The following C9 variants were observed in gnomAD, a reference collection of about 807,000 sequenced individuals.
C9 encodes complement component C9.
In C9, 63 loss-of-function variants were observed where a neutral mutation model predicts 65.4. That is an observed-to-expected ratio of 0.96 (90% CI 0.79 to 1.19). The LOEUF is 1.19. Ranked by LOEUF, C9 falls within the 50% of genes most tolerant of loss-of-function variation. The pLI is 0.00. For synonymous variants in C9, 229 were observed against 227.9 expected, an observed-to-expected ratio of 1.00 and a Z score of -0.04; for missense variants, 744 against 670.1, an observed-to-expected ratio of 1.11 and a Z score of -1.22.
intron 1 of C9, among the ~76,000 whole-genome samples, chr5:39,349,546 C>G (rs1475910420): frequency 6.6e-6 from 1 of 152,206 alleles, no homozygotes; most frequent in Non-Finnish European, 1.5e-5. Flanking sequence ...CTTTTAGTTA[C>G]TTCTAAATTC....
chr5:39,298,734 C>T (rs1052385203), intron 9 of C9, among the ~76,000 whole-genome samples: 1 of 151,784 alleles, frequency 6.6e-6, no homozygotes, highest in Admixed American at 6.6e-5. Flanking sequence ...TTACTTCTCA[C>T]TTATTTTACA....
At chr5:39,303,807 A>C (rs968706895) in intron 9 of C9, among the ~76,000 whole-genome samples, 1 of 151,998 alleles carries the variant, frequency 6.6e-6, no homozygotes, top group African/African-American at 2.4e-5. Flanking sequence ...TCCCAAAGAT[A>C]GTCATGCTAG....
intron 9 of C9, among the ~76,000 whole-genome samples, chr5:39,296,807 T>C (rs757498592): frequency 2.0e-5 from 3 of 151,388 alleles, no homozygotes; most frequent in Non-Finnish European, 4.4e-5. Context: ...CTGGAGGATA[T>C]TATGTTAAGT....
chr5:39,308,426 T>G, intron 7 of C9, 68 bp from the exon 8 acceptor site: 1 of 1,337,982 alleles, frequency 7.5e-7, no homozygotes, highest in Non-Finnish European at 1.1e-6. Context: ...ATTCCAATTT[T>G]GCTATTTTCA....
At chr5:39,336,062 T>C (rs1753958085) in intron 4 of C9, among the ~76,000 whole-genome samples, 1 of 152,210 alleles carries the variant, frequency 6.6e-6, no homozygotes, top group Non-Finnish European at 1.5e-5. Context: ...AATAATGTTG[T>C]CATTATTTGT....
Position 39,352,263 on chromosome 5 carries a change from C to A in C9, c.78-10067G>T, listed in dbSNP as rs976458693. Among the ~76,000 whole-genome samples, 6 of 152,172 alleles carry A rather than the reference C, an allele frequency of 3.9e-5. No individual in the cohort carries two copies. The East Asian group carries it at 9.6e-4, about 24-fold the overall frequency. Reference sequence around the variant, plus strand: ...CCTGTCCTTCAACACATGGGAATTACAATTTGACATGAGATTTGGGTAGGG... The same window carrying A: ...CCTGTCCTTCAACACATGGGAATTAAAATTTGACATGAGATTTGGGTAGGG... On this transcript the variant is annotated intron_variant, in intron 1 of 10. Coordinates refer to ENST00000263408, the MANE Select transcript of C9 (RefSeq NM_001737.5).
At chr5:39,303,350 T>A (rs1463322946) in intron 9 of C9, among the ~76,000 whole-genome samples, 1 of 151,898 alleles carries the variant, frequency 6.6e-6, no homozygotes, top group Non-Finnish European at 1.5e-5. Context: ...CAAGGAGAGA[T>A]TTTTGGGCTG....
chr5:39,358,490 C>T (rs1274570708), intron 1 of C9, among the ~76,000 whole-genome samples: 1 of 152,136 alleles, frequency 6.6e-6, no homozygotes, highest in African/African-American at 2.4e-5. Context: ...TGATTCTGAG[C>T]TTGCTAGGAA....
intron 9 of C9, among the ~76,000 whole-genome samples, chr5:39,289,835 C>G (rs1432418561): frequency 2.0e-5 from 3 of 151,830 alleles, no homozygotes; most frequent in Non-Finnish European, 2.9e-5. Context: ...TGTTAGGATT[C>G]TTATACCAAT....
At chr5:39,357,038 G>A (rs1754424066) in intron 1 of C9, among the ~76,000 whole-genome samples, 1 of 152,236 alleles carries the variant, frequency 6.6e-6, no homozygotes, top group Non-Finnish European at 1.5e-5. Flanking sequence ...CATGGCAGGA[G>A]ATCTACCTCT....
Position 39,341,497 on chromosome 5 carries a change from CTT to C in C9, c.328+57_328+58del, listed in dbSNP as rs1432554968. On this transcript the variant is annotated intron_variant, in intron 3 of 10. Transcript: ENST00000263408. ...TCCAGAAGCATATGCTTTTTTTTTT[CTT>C]TTCATTCAGGAAGGCACACAGAAAG... 3.9e-6 allele frequency: 6 copies of C among 1,543,352 alleles called. No homozygotes were observed. In the Admixed American group the frequency reaches 5.5e-5, roughly 14 times the overall value.
Position 39,311,128 on chromosome 5 carries a change from T to C in C9, c.1111+9A>G. 6.2e-7 allele frequency: 1 copy of C among 1,613,168 alleles called. No homozygotes were observed. Among genetic ancestry groups the C allele is most frequent in the Non-Finnish European group, 8.5e-7 (1 of 1,179,206 alleles). On this transcript the variant is annotated intron_variant, in intron 7 of 10. Transcript: ENST00000263408. ...GTATTTGAAGTCAGAGCTCTATTTC[T>C]AGGCATACCTTTCCGCTTCATGGAA...
chr5:39,301,635 G>T (rs962903792), intron 9 of C9, among the ~76,000 whole-genome samples: 2 of 151,980 alleles, frequency 1.3e-5, no homozygotes, highest in Non-Finnish European at 2.9e-5. Flanking sequence ...ATTACTATCT[G>T]CACTATTTGT....
intron 5 of C9, among the ~76,000 whole-genome samples, chr5:39,324,597 G>A (rs1457300389): frequency 6.6e-6 from 1 of 152,168 alleles, no homozygotes; most frequent in Non-Finnish European, 1.5e-5. Context: ...CAGAATGGTA[G>A]TGGCGAGTAC....
Position 39,345,203 on chromosome 5 carries a change from C to T in C9, c.78-3007G>A, listed in dbSNP as rs190899878. On this transcript the variant is annotated intron_variant, in intron 1 of 10. Transcript: ENST00000263408. ...CCTTAAATGCAAAATGGGCTAAATG[C>T]GCCAATTAAAAGACACAGACTGGCA... Among the ~76,000 whole-genome samples, 1,173 of 152,156 alleles carry T rather than the reference C, an allele frequency of 7.7e-3. 14 individuals carry two copies. The highest frequency in any genetic ancestry group is 0.024 in the African/African-American group (1,012 of 41,490).
intron 5 of C9, among the ~76,000 whole-genome samples, chr5:39,319,401 C>T (rs1753627953): frequency 6.6e-6 from 1 of 152,140 alleles, no homozygotes; most frequent in South Asian, 2.1e-4. Flanking sequence ...GTTTCACAGA[C>T]AAAGTTTCCA....
At chr5:39,347,291 A>G (rs1446899380) in intron 1 of C9, among the ~76,000 whole-genome samples, 5 of 152,172 alleles carry the variant, frequency 3.3e-5, no homozygotes, top group African/African-American at 9.6e-5. Flanking sequence ...TCAGCCCCAA[A>G]TCTCCTTAAG....
At chr5:39,352,013 C>T (rs1289345976) in intron 1 of C9, among the ~76,000 whole-genome samples, 1 of 152,122 alleles carries the variant, frequency 6.6e-6, no homozygotes, top group Non-Finnish European at 1.5e-5. Flanking sequence ...TGAATTGACA[C>T]AGAGTTCCAC....
chr5:39,320,254 A>G (rs1361423017), intron 5 of C9, among the ~76,000 whole-genome samples: 1 of 152,184 alleles, frequency 6.6e-6, no homozygotes, highest in Non-Finnish European at 1.5e-5. Flanking sequence ...ATACAGACAG[A>G]AGACTAGATG....
Sources: allele counts gnomAD v4.1 joint callset (sites outside exome capture counted in the v4.1 genomes callset), GRCh38; gene constraint gnomAD v4.1.1; transcripts MANE v1.5; gene names NCBI Gene and HGNC (gene_info 2026-07-23, HGNC 2026-07-21).